GALNT17: variants seen among roughly 807,000 people sequenced by gnomAD.
GALNT17 encodes the protein polypeptide N-acetylgalactosaminyltransferase 17.
GALNT17 carries 29 observed loss-of-function variants against 63.7 expected under a neutral mutation model. That is an observed-to-expected ratio of 0.46 (90% confidence interval 0.34 to 0.62). The LOEUF is 0.62. GALNT17 is among the 20% of genes least tolerant of loss of function. The probability of loss-of-function intolerance (pLI) is 0.01; values close to 1 mark genes in which losing one functional copy is unlikely to be tolerated. For missense variants in GALNT17, 603 were observed against 799.6 expected (o/e 0.75, Z 2.97); for synonymous variants, 305 against 318.3 (o/e 0.96, Z 0.45).
chr7:71,621,529 G>GGATGGATGGATGGATT (rs1790291394), intron 6 of GALNT17, among the ~76,000 whole-genome samples: 1 of 100,948 alleles, frequency 9.9e-6, no homozygotes, highest in Non-Finnish European at 2.1e-5. Context: ...ATGGATGGAT[G>GGATGGATGGATGGATT]GATGGATTGA....
At chr7:71,243,008 C>T (rs1242153565) in intron 1 of GALNT17, among the ~76,000 whole-genome samples, 2 of 152,182 alleles carry the variant, frequency 1.3e-5, no homozygotes, top group Non-Finnish European at 2.9e-5. Context: ...GGCTCTGTGT[C>T]CCCACCCAAA....
At chr7:71,619,204 A>G (rs1790258040) in intron 6 of GALNT17, among the ~76,000 whole-genome samples, 1 of 152,144 alleles carries the variant, frequency 6.6e-6, no homozygotes, top group South Asian at 2.1e-4. Context: ...GCTTTGTAGT[A>G]TAGTTTGAAG....
intron 6 of GALNT17, among the ~76,000 whole-genome samples, chr7:71,595,394 C>T (rs1388880563): frequency 6.7e-6 from 1 of 150,354 alleles, no homozygotes; most frequent in African/African-American, 2.5e-5. Context: ...GGTGTCACTG[C>T]ATTCCAGTCT....
chr7:71,458,326 T>C lies in GALNT17; in HGVS notation c.962+37221T>C, dbSNP rs375323968. ...GGATGTGCTGCAGGGGCATGGCTTG[T>C]CTGTTCGCCACCCTTAATAGGACGG... On this transcript the variant is annotated intron_variant, in intron 5 of 10. Transcript: ENST00000333538. 2.0e-5 allele frequency among the ~76,000 whole-genome samples: 3 copies of C among 152,282 alleles called. No individual in the cohort carries two copies. In the South Asian group the frequency reaches 6.2e-4, roughly 32 times the overall value.
At chr7:71,178,403 G>A (rs1485360256) in intron 1 of GALNT17, among the ~76,000 whole-genome samples, 1 of 151,942 alleles carries the variant, frequency 6.6e-6, no homozygotes, top group Non-Finnish European at 1.5e-5. Context: ...CTTGGGTTTT[G>A]GTGATTTTCT....
chr7:71,247,249 C>T (rs1035862095), intron 1 of GALNT17, among the ~76,000 whole-genome samples: 3 of 152,070 alleles, frequency 2.0e-5, no homozygotes, highest in Admixed American at 2.0e-4. Context: ...TAAAGAAGTA[C>T]TGGAGAATGT....
At chr7:71,509,313 C>T (rs958770228) in intron 5 of GALNT17, among the ~76,000 whole-genome samples, 2 of 152,174 alleles carry the variant, frequency 1.3e-5, no homozygotes, top group African/African-American at 4.8e-5. Context: ...AGATTAAGTA[C>T]AGGAAGTGCA....
chr7:71,190,243 T>G (rs1788927301), intron 1 of GALNT17, among the ~76,000 whole-genome samples: 1 of 152,212 alleles, frequency 6.6e-6, no homozygotes, highest in Non-Finnish European at 1.5e-5. Flanking sequence ...CAAAGTCTGA[T>G]TTTGAAATGT....
intron 1 of GALNT17, among the ~76,000 whole-genome samples, chr7:71,308,132 G>C (rs570960265): frequency 6.6e-6 from 1 of 152,108 alleles, no homozygotes; most frequent in Non-Finnish European, 1.5e-5. Flanking sequence ...GCAAATAGGA[G>C]CAAGGAAACA....
intron 1 of GALNT17, among the ~76,000 whole-genome samples, chr7:71,269,540 G>T (rs73173991): frequency 6.6e-6 from 1 of 152,234 alleles, no homozygotes; most frequent in East Asian, 1.9e-4. Flanking sequence ...CTTGGAGGAG[G>T]CAGTAGAAGG....
At chr7:71,356,010 T>C (rs1422152676) in intron 2 of GALNT17, among the ~76,000 whole-genome samples, 1 of 151,698 alleles carries the variant, frequency 6.6e-6, no homozygotes, top group East Asian at 2.0e-4. Flanking sequence ...AGAGTCTTGC[T>C]CTGGTCACCC....
intron 1 of GALNT17, among the ~76,000 whole-genome samples, chr7:71,162,838 T>TG (rs1401051446): frequency 6.6e-6 from 1 of 152,222 alleles, no homozygotes; most frequent in Non-Finnish European, 1.5e-5. Flanking sequence ...TACACTGATG[T>TG]GTCCAAAGCT....
rs1051972937 is a variant in GALNT17 at position 71,610,896 on chromosome 7, G to T, written c.1080+39494G>T. On this transcript the variant is annotated intron_variant, in intron 6 of 10. Coordinates refer to ENST00000333538, the MANE Select transcript of GALNT17 (RefSeq NM_022479.3). Reference sequence around the variant, plus strand: ...AGGTACTCAGGAGGCTGAGGCAGGAGAATCCCTTGAATTTGGAAGGCGGAG... The same window carrying T: ...AGGTACTCAGGAGGCTGAGGCAGGATAATCCCTTGAATTTGGAAGGCGGAG... 4.7e-5 allele frequency among the ~76,000 whole-genome samples: 7 copies of T among 148,994 alleles called. No individual in the cohort carries two copies. In the South Asian group the frequency reaches 6.5e-4, roughly 14 times the overall value.
intron 2 of GALNT17, among the ~76,000 whole-genome samples, chr7:71,373,312 C>T (rs11974045): frequency 0.019 from 2,904 of 152,154 alleles, 105 homozygotes; most frequent in African/African-American, 0.065. Context: ...GGGAATTCTG[C>T]TTGGTTAGCT....
chr7:71,511,363 C>T (rs750681477), intron 5 of GALNT17, among the ~76,000 whole-genome samples: 32 of 152,140 alleles, frequency 2.1e-4, no homozygotes, highest in Non-Finnish European at 5.9e-5. Context: ...TAGGGGAGAG[C>T]GTGAGAGCAG....
intron 3 of GALNT17, among the ~76,000 whole-genome samples, chr7:71,401,377 G>T (rs2960882): frequency 6.6e-6 from 1 of 152,066 alleles, no homozygotes; most frequent in African/African-American, 2.4e-5. Context: ...GATTACAGGC[G>T]TGAGCCACCA....
chr7:71,263,793 A>G lies in GALNT17; in HGVS notation c.239-71757A>G, dbSNP rs555050582. ...ACAAAAAGTTAGCCGGCGTGGTGGC[A>G]GGCGCCTGTAGTCCTAGCTACTTGG... is the stretch of plus-strand genomic sequence containing the variant. On this transcript the variant is annotated intron_variant, in intron 1 of 10. Transcript: ENST00000333538. Among the ~76,000 whole-genome samples the G allele has an allele frequency of 1.4e-3, 214 of 151,568 alleles. 1 individual carries two copies. The highest frequency in any genetic ancestry group is 3.4e-3 in the African/African-American group (139 of 41,334).
intron 3 of GALNT17, among the ~76,000 whole-genome samples, chr7:71,399,365 C>T (rs1793197741): frequency 6.6e-6 from 1 of 152,204 alleles, no homozygotes; most frequent in Non-Finnish European, 1.5e-5. Context: ...CCTGCTGCTG[C>T]CGGTTCCATT....
rs774256247 is a variant in GALNT17, at chr7:71,388,406, A to G, written c.589+5A>G. 1.9e-6 allele frequency: 3 copies of G among 1,613,582 alleles called. No homozygotes were observed. The Admixed American group carries it at 5.0e-5, about 27-fold the overall frequency. On this transcript the variant is annotated splice_donor_5th_base_variant and intron_variant, in intron 3 of 10. Coordinates refer to ENST00000333538, the MANE Select transcript of GALNT17 (RefSeq NM_022479.3). ...TGGATGACAACAGCGACGAAGGTAC[A>G]GGGGTGGCTGACCTGTGCACAGGAC...
Sources: gnomAD v4.1 joint callset for allele counts (sites outside exome capture counted in the v4.1 genomes callset) on GRCh38, gnomAD v4.1.1 for gene constraint, MANE v1.5 for transcripts, NCBI Gene and HGNC (gene_info 2026-07-23, HGNC 2026-07-21) for gene names.